The following ARHGAP15 variants were observed in gnomAD, a reference collection of about 807,000 sequenced individuals.
ARHGAP15 encodes the protein rho GTPase-activating protein 15.
ARHGAP15 carries 51 observed loss-of-function variants against 63.7 expected under a neutral mutation model. That is an observed-to-expected ratio of 0.80 (90% CI 0.64 to 1.01). The LOEUF (loss-of-function observed/expected upper bound fraction) is 1.01, where lower values mean the gene tolerates loss of function less well. Ranked by LOEUF, ARHGAP15 falls within the 50% of genes least tolerant of loss-of-function variation. ARHGAP15 has a pLI of 0.00. For missense variants in ARHGAP15, 560 were observed against 564.6 expected (o/e 0.99, Z 0.08); for synonymous variants, 191 against 193.8 (o/e 0.99, Z 0.12).
At chr2:143,603,928 G>A (rs1229166956) in intron 11 of ARHGAP15, among the ~76,000 whole-genome samples, 1 of 152,110 alleles carries the variant, frequency 6.6e-6, no homozygotes, top group Non-Finnish European at 1.5e-5. Context: ...CTCTAAAAAA[G>A]AAGCCCATAA....
At chr2:143,496,674 C>T (rs779485726) in intron 9 of ARHGAP15, among the ~76,000 whole-genome samples, 13 of 152,186 alleles carry the variant, frequency 8.5e-5, no homozygotes, top group Admixed American at 2.6e-4. Flanking sequence ...AATTACATTT[C>T]TTTCACATTA....
chr2:143,657,655 T>G (rs1681525887), intron 12 of ARHGAP15, among the ~76,000 whole-genome samples: 1 of 152,218 alleles, frequency 6.6e-6, no homozygotes, highest in East Asian at 1.9e-4. Context: ...AGAACTAGCA[T>G]TTTACCTTGA....
At chr2:143,615,709 T>C in intron 11 of ARHGAP15, among the ~76,000 whole-genome samples, 1 of 152,178 alleles carries the variant, frequency 6.6e-6, no homozygotes, top group Non-Finnish European at 1.5e-5. Flanking sequence ...GTAATATAAC[T>C]TGGAGGGAAC....
chr2:143,411,554 G>A (rs1171544425), intron 6 of ARHGAP15, among the ~76,000 whole-genome samples: 2 of 152,082 alleles, frequency 1.3e-5, no homozygotes, highest in African/African-American at 2.4e-5. Flanking sequence ...TTGAATATAA[G>A]GACCCTATGT....
At chr2:143,345,450 A>G (rs915779617) in intron 6 of ARHGAP15, among the ~76,000 whole-genome samples, 7 of 152,138 alleles carry the variant, frequency 4.6e-5, no homozygotes, top group Non-Finnish European at 8.8e-5. Flanking sequence ...AATATTCCAA[A>G]GTACTCTTCC....
chr2:143,722,252 G>A (rs1475479807), intron 13 of ARHGAP15, among the ~76,000 whole-genome samples: 2 of 151,826 alleles, frequency 1.3e-5, no homozygotes, highest in African/African-American at 2.4e-5. Flanking sequence ...GGTTTTCTAC[G>A]TTTAGACATG....
chr2:143,510,849 G>A (rs910484086), intron 9 of ARHGAP15, among the ~76,000 whole-genome samples: 1 of 152,182 alleles, frequency 6.6e-6, no homozygotes, highest in African/African-American at 2.4e-5. Context: ...AAGTTTACTA[G>A]AATCGCTGCA....
At chr2:143,418,970 C>A (rs951692653) in intron 6 of ARHGAP15, among the ~76,000 whole-genome samples, 1 of 152,162 alleles carries the variant, frequency 6.6e-6, no homozygotes, top group Non-Finnish European at 1.5e-5. Context: ...GCCCTGGAAT[C>A]AAGCTCCTTT....
intron 9 of ARHGAP15, among the ~76,000 whole-genome samples, chr2:143,516,025 A>T (rs748639070): frequency 6.6e-6 from 1 of 151,832 alleles, no homozygotes; most frequent in South Asian, 2.1e-4. Context: ...ATCTTTGAGG[A>T]TTCAGTTATT....
At chr2:143,519,392 C>G (rs369322860) in intron 10 of ARHGAP15, 28 bp downstream of exon 10, 2 of 1,553,794 alleles carry the variant, frequency 1.3e-6, no homozygotes, top group Non-Finnish European at 1.8e-6. Context: ...CAGCAGTTCC[C>G]CCCATTACTG....
chr2:143,764,318 C>T (rs1686877594), intron 13 of ARHGAP15, among the ~76,000 whole-genome samples: 1 of 152,154 alleles, frequency 6.6e-6, no homozygotes, highest in Admixed American at 6.5e-5. Flanking sequence ...CATGCAGGCA[C>T]ATGGCTTTCC....
intron 11 of ARHGAP15, among the ~76,000 whole-genome samples, chr2:143,601,283 T>C (rs1697758623): frequency 6.6e-6 from 1 of 152,194 alleles, no homozygotes; most frequent in Admixed American, 6.6e-5. Flanking sequence ...CTGATGTCTC[T>C]TCAAAATCTT....
At chr2:143,598,940 T>TAA (rs1284888495) in intron 11 of ARHGAP15, among the ~76,000 whole-genome samples, 2 of 151,036 alleles carry the variant, frequency 1.3e-5, no homozygotes, top group East Asian at 1.9e-4. Flanking sequence ...TTTTTTTTTT[T>TAA]AAAAAAAACT....
chr2:143,489,331 C>T (rs1362582107), intron 9 of ARHGAP15, among the ~76,000 whole-genome samples: 2 of 152,148 alleles, frequency 1.3e-5, no homozygotes, highest in Non-Finnish European at 2.9e-5. Flanking sequence ...CTTAGAGCTC[C>T]ATTAAATTTT....
At chr2:143,259,477 ACT>A (rs1680603913) in intron 6 of ARHGAP15, among the ~76,000 whole-genome samples, 1 of 152,210 alleles carries the variant, frequency 6.6e-6, no homozygotes, top group Admixed American at 6.5e-5. Flanking sequence ...TTGTCCTTTT[ACT>A]AAAGTAAGGA....
intron 6 of ARHGAP15, among the ~76,000 whole-genome samples, chr2:143,254,555 A>G (rs141767641): frequency 2.6e-5 from 4 of 152,202 alleles, no homozygotes; most frequent in African/African-American, 7.2e-5. Context: ...TGACATGGCT[A>G]TCAAATAGAC....
In ARHGAP15 at chr2:143,727,658, C is replaced by T. The variant is rs772368688; in HGVS notation, c.1244+24134C>T. Among the ~76,000 whole-genome samples the T allele has an allele frequency of 9.4e-4, 143 of 152,280 alleles. 1 individual carries two copies. The highest frequency in any genetic ancestry group is 4.3e-4 in the Non-Finnish European group (29 of 68,026). On this transcript the variant is annotated intron_variant, in intron 13 of 13. Coordinates refer to ENST00000295095, the MANE Select transcript of ARHGAP15 (RefSeq NM_018460.4). ...GTAAGGCTCAGACAGATCGAATGAA[C>T]GGGGCTGTTCTCCATGAGTCTTTGT...
intron 11 of ARHGAP15, among the ~76,000 whole-genome samples, chr2:143,615,141 A>G (rs1316928390): frequency 6.6e-5 from 10 of 152,200 alleles, no homozygotes; most frequent in Admixed American, 6.5e-4. Context: ...ACTAATCGAG[A>G]TAACTTAGGT....
chr2:143,206,029 G>A (rs1409462489), intron 3 of ARHGAP15, among the ~76,000 whole-genome samples: 3 of 151,508 alleles, frequency 2.0e-5, no homozygotes, highest in South Asian at 2.1e-4. Flanking sequence ...CCCAATTTAC[G>A]TTATTTATTA....
Sources: allele counts gnomAD v4.1 joint callset (sites outside exome capture counted in the v4.1 genomes callset), GRCh38; gene constraint gnomAD v4.1.1; transcripts MANE v1.5; gene names NCBI Gene and HGNC (gene_info 2026-07-23, HGNC 2026-07-21).